The following NXPE2 variants were observed in gnomAD, a reference collection of about 807,000 sequenced individuals.
The protein encoded by NXPE2 is neurexophilin and PC-esterase domain family member 2.
Under a neutral mutation model 34.4 loss-of-function variants are expected in NXPE2, and 34 were observed. The ratio of observed to expected loss-of-function variants is 0.99; its 90% CI spans 0.75 to 1.31. NXPE2 has a LOEUF of 1.31. Among genes scored for constraint, NXPE2 ranks in the 40% most tolerant of loss-of-function variants. The pLI is 0.00. For synonymous variants in NXPE2, 235 were observed against 231.3 expected (o/e 1.02, Z -0.15); for missense variants, 649 against 672.5 (o/e 0.97, Z 0.39).
the NXPE2 span, chr11:114,530,964 CTTATTATGAGT>C: frequency 6.8e-7 from 1 of 1,466,696 alleles, no homozygotes; most frequent in East Asian, 2.3e-5. Flanking sequence ...ATCATTTTTA[CTTATTATGAGT>C]TTGAATATTT....
the NXPE2 span, chr11:114,584,181 A>T: frequency 3.0e-6 from 1 of 330,254 alleles, no homozygotes; most frequent in Non-Finnish European, 6.0e-6. Context: ...AATGTTGCTC[A>T]GTGCCCTGGA....
the NXPE2 span, among the ~76,000 whole-genome samples, chr11:114,763,266 C>T: frequency 2.6e-5 from 4 of 152,266 alleles, no homozygotes; most frequent in South Asian, 8.3e-4. Flanking sequence ...CCTCTTCTAA[C>T]AAACTCACTG....
At chr11:114,749,278 A>T in the NXPE2 span, among the ~76,000 whole-genome samples, 4 of 152,140 alleles carry the variant, frequency 2.6e-5, no homozygotes, top group African/African-American at 9.7e-5. Context: ...TGTATATCTA[A>T]TCCATTATGC....
the NXPE2 span, chr11:114,513,121 T>C: frequency 1.8e-6 from 1 of 549,122 alleles, no homozygotes; most frequent in Non-Finnish European, 3.7e-6. Context: ...CCATCAGGGC[T>C]GGAGAGGACA....
At chr11:114,670,958 T>C in the NXPE2 span, among the ~76,000 whole-genome samples, 1 of 150,764 alleles carries the variant, frequency 6.6e-6, no homozygotes, top group Admixed American at 6.6e-5. Flanking sequence ...TTCAAGGAAT[T>C]AAAGGAAGCC....
chr11:114,551,242 G>A, the NXPE2 span: 1 of 1,402,656 alleles, frequency 7.1e-7, no homozygotes, highest in Non-Finnish European at 9.7e-7. Flanking sequence ...GAGGAGTCGT[G>A]AGAAGTGAAT....
At chr11:114,503,413 C>A in the NXPE2 span, among the ~76,000 whole-genome samples, 3 of 151,748 alleles carry the variant, frequency 2.0e-5, no homozygotes, top group African/African-American at 4.8e-5. Context: ...AAATAAAATG[C>A]GTATTAGTAA....
chr11:114,612,853 T>C, the NXPE2 span, among the ~76,000 whole-genome samples: 1 of 152,018 alleles, frequency 6.6e-6, no homozygotes, highest in South Asian at 2.1e-4. Flanking sequence ...GCCTTGTGGG[T>C]AATCAATGTT....
the NXPE2 span, among the ~76,000 whole-genome samples, chr11:114,640,824 G>T: frequency 6.6e-6 from 1 of 151,748 alleles, no homozygotes; most frequent in African/African-American, 2.4e-5. Flanking sequence ...TTCCTAATTT[G>T]TTTGAGGTCC....
chr11:114,579,784 C>G, the NXPE2 span, among the ~76,000 whole-genome samples: 8 of 152,164 alleles, frequency 5.3e-5, no homozygotes, highest in Non-Finnish European at 1.2e-4. Flanking sequence ...TTGTCTGGTT[C>G]TAGAATCATA....
chr11:114,721,741 A>G, the NXPE2 span, among the ~76,000 whole-genome samples: 1 of 152,288 alleles, frequency 6.6e-6, no homozygotes, highest in African/African-American at 2.4e-5. Flanking sequence ...ATCCCATTTT[A>G]TAGATGAAAA....
chr11:114,670,336 A>C, the NXPE2 span, among the ~76,000 whole-genome samples: 1 of 152,018 alleles, frequency 6.6e-6, no homozygotes, highest in African/African-American at 2.4e-5. Flanking sequence ...CTTTCTGAGG[A>C]GCAATATCAG....
At chr11:114,480,413 C>A in the NXPE2 span, among the ~76,000 whole-genome samples, 17 of 152,162 alleles carry the variant, frequency 1.1e-4, no homozygotes, top group African/African-American at 3.9e-4. Flanking sequence ...AAAATTCTTT[C>A]TTTCCTATTG....
the NXPE2 span, among the ~76,000 whole-genome samples, chr11:114,663,626 TATCTATCTATCATCTATCC>T: frequency 1.8e-5 from 1 of 55,560 alleles, no homozygotes; most frequent in African/African-American, 5.3e-5. Flanking sequence ...TCTATCTATC[TATCTATCTATCATCTATCC>T]ATCTATCATC....
the NXPE2 span, among the ~76,000 whole-genome samples, chr11:114,779,705 T>G: frequency 2.6e-5 from 4 of 151,748 alleles, no homozygotes; most frequent in Non-Finnish European, 5.9e-5. Context: ...GGACTGAGGG[T>G]AACAGCAGAA....
At chr11:114,601,732 T>A in the NXPE2 span, among the ~76,000 whole-genome samples, 1 of 71,966 alleles carries the variant, frequency 1.4e-5, no homozygotes, top group Non-Finnish European at 2.3e-5. Context: ...AATTATATAT[T>A]ATATATAATT....
the NXPE2 span, among the ~76,000 whole-genome samples, chr11:114,567,562 C>CT: frequency 6.6e-6 from 1 of 151,882 alleles, no homozygotes; most frequent in Non-Finnish European, 1.5e-5. Context: ...TTCCTTTTAT[C>CT]TTATAGTCAC....
the NXPE2 span, among the ~76,000 whole-genome samples, chr11:114,557,634 C>CATATATATATATATATAT: frequency 7.8e-6 from 1 of 128,452 alleles, no homozygotes; most frequent in Non-Finnish European, 1.6e-5. Flanking sequence ...ATATATAATA[C>CATATATATATATATATAT]ATATATATAT....
the NXPE2 span, among the ~76,000 whole-genome samples, chr11:114,765,566 A>G: frequency 3.9e-5 from 6 of 152,128 alleles, no homozygotes; most frequent in Non-Finnish European, 8.8e-5. Context: ...TTTTATTGGG[A>G]TGGTCTGGAA....
Sources: allele counts gnomAD v4.1 joint callset (sites outside exome capture counted in the v4.1 genomes callset), GRCh38; gene constraint gnomAD v4.1.1; transcripts MANE v1.5; gene names NCBI Gene and HGNC (gene_info 2026-07-23, HGNC 2026-07-21).